The following HELZ variants were observed in gnomAD, a reference collection of about 807,000 sequenced individuals.
HELZ encodes the protein ATP-dependent RNA helicase with zinc finger domain.
Under a neutral mutation model 218.2 loss-of-function variants are expected in HELZ, and 23 were observed. The ratio of observed to expected loss-of-function variants is 0.11; its 90% CI spans 0.08 to 0.15. HELZ has a LOEUF of 0.15. HELZ is among the 10% of genes least tolerant of loss of function. HELZ has a pLI of 1.00. For synonymous variants in HELZ, 814 were observed against 829.4 expected (o/e 0.98, Z 0.32); for missense variants, 1,813 against 2,353.7 (o/e 0.77, Z 4.75).
At position 67,145,196 on chromosome 17, in the gene HELZ, C is replaced by A. The variant is rs906021541; in HGVS notation, c.2769+547G>T. Among the ~76,000 whole-genome samples the A allele has an allele frequency of 2.0e-5, 3 of 152,250 alleles. No individual in the cohort carries two copies. In the South Asian group the frequency reaches 6.2e-4, roughly 32 times the overall value. On this transcript the variant is annotated intron_variant, in intron 21 of 32. Coordinates refer to ENST00000358691, the MANE Select transcript of HELZ (RefSeq NM_014877.4). ...ACTCCAGGGTTTCTGGTTTGTTAGC[C>A]CCTGAAGACGTTGCCATTTTTTTGG...
chr17:67,142,888 C>G (rs980116407), intron 21 of HELZ, among the ~76,000 whole-genome samples: 10 of 152,242 alleles, frequency 6.6e-5, no homozygotes, highest in African/African-American at 2.4e-4. Flanking sequence ...TCCTGAGTAG[C>G]TGGTATTACA....
At chr17:67,137,727 G>C (rs1326942901) in intron 22 of HELZ, among the ~76,000 whole-genome samples, 1 of 152,136 alleles carries the variant, frequency 6.6e-6, no homozygotes, top group African/African-American at 2.4e-5. Flanking sequence ...AGGTATATTT[G>C]TTAATACTTA....
At chr17:67,097,633 C>G (rs115695073) in intron 31 of HELZ, among the ~76,000 whole-genome samples, 2 of 152,158 alleles carry the variant, frequency 1.3e-5, no homozygotes, top group Non-Finnish European at 2.9e-5. Context: ...CAGAGAAAAA[C>G]GTCAGGTTCA....
chr17:67,177,424 A>G (rs185035545), intron 13 of HELZ, among the ~76,000 whole-genome samples: 79 of 152,268 alleles, frequency 5.2e-4, no homozygotes, highest in Admixed American at 3.3e-3. Flanking sequence ...TTAATAAAAT[A>G]TTAAACAAAT....
In HELZ at chr17:67,076,859, T is replaced by G. The variant is rs995510389; in HGVS notation, c.*1393A>C. On this transcript the variant is annotated 3_prime_UTR_variant, in exon 33 of 33. Coordinates refer to ENST00000358691, the MANE Select transcript of HELZ (RefSeq NM_014877.4). ...AGGTTCCCCAGCCTCATCTTATTTT[T>G]TTTTAAAAGTTTATATTGTAGTTTC... The G allele has an allele frequency of 6.6e-6, 1 of 152,216 alleles. No individual in the cohort carries two copies. Among genetic ancestry groups the G allele is most frequent in the African/African-American group, 2.4e-5 (1 of 41,452 alleles). The allele number at this position is 152,216 out of a possible 1,614,324, so 9.4% of individuals were successfully genotyped here.
chr17:67,144,753 C>G (rs1567838467), intron 21 of HELZ, among the ~76,000 whole-genome samples: 1 of 152,096 alleles, frequency 6.6e-6, no homozygotes, highest in African/African-American at 2.4e-5. Flanking sequence ...CCCACCCATA[C>G]CATGGCTAAT....
chr17:67,107,809 T>A, intron 30 of HELZ, 124 bp from the exon 31 acceptor site: 1 of 803,066 alleles, frequency 1.2e-6, no homozygotes, highest in Non-Finnish European at 2.0e-6. Context: ...GAACTGGCAT[T>A]AATTCATCTC....
At chr17:67,128,919 A>C in intron 23 of HELZ, 64 bp from the exon 24 acceptor site, 2 of 1,226,644 alleles carry the variant, frequency 1.6e-6, no homozygotes, top group Non-Finnish European at 2.4e-6. Context: ...AATGAATATA[A>C]ATAACTAAAG....
intron 19 of HELZ, among the ~76,000 whole-genome samples, chr17:67,149,042 A>C (rs908138730): frequency 1.1e-4 from 17 of 152,166 alleles, no homozygotes; most frequent in African/African-American, 3.9e-4. Context: ...GTGGGAGTCA[A>C]ACAGTTATTT....
intron 24 of HELZ, among the ~76,000 whole-genome samples, chr17:67,124,785 A>G (rs1284763188): frequency 6.6e-6 from 1 of 152,198 alleles, no homozygotes; most frequent in Non-Finnish European, 1.5e-5. Flanking sequence ...GCAAATTCAC[A>G]TAATGGTATA....
At chr17:67,201,216 A>C (rs1190367273) in intron 6 of HELZ, 31 bp from the exon 7 acceptor site, 1 of 1,450,520 alleles carries the variant, frequency 6.9e-7, no homozygotes, top group African/African-American at 1.4e-5. Context: ...GAGAAGAACC[A>C]ATTAGTATAT....
chr17:67,229,960 A>G (rs2040992481), intron 3 of HELZ, among the ~76,000 whole-genome samples: 2 of 152,264 alleles, frequency 1.3e-5, no homozygotes, highest in African/African-American at 4.8e-5. Context: ...ATTTTCATAA[A>G]GAGGTAAATT....
intron 31 of HELZ, among the ~76,000 whole-genome samples, chr17:67,090,495 G>A (rs948069083): frequency 2.0e-5 from 3 of 152,086 alleles, no homozygotes; most frequent in African/African-American, 7.2e-5. Context: ...CATTTTTGGA[G>A]GAATTCCATG....
At chr17:67,225,006 G>A in intron 3 of HELZ, 1 of 688,372 alleles carries the variant, frequency 1.5e-6, no homozygotes. Context: ...TGAACTGGAA[G>A]GAGATAAGAG....
chr17:67,101,462 T>C (rs938754378), intron 31 of HELZ, among the ~76,000 whole-genome samples: 6 of 152,120 alleles, frequency 3.9e-5, no homozygotes, highest in African/African-American at 1.4e-4. Flanking sequence ...TAAAACAGTA[T>C]AATTCTAGCA....
chr17:67,224,283 C>T (rs746487332), intron 3 of HELZ: 61 of 158,186 alleles, frequency 3.9e-4, no homozygotes, highest in Non-Finnish European at 7.7e-4. Flanking sequence ...GTTGAATATA[C>T]CGCAGCCATT....
intron 20 of HELZ, among the ~76,000 whole-genome samples, 173 bp from the exon 21 acceptor site, chr17:67,146,063 T>C (rs1011637264): frequency 1.3e-5 from 2 of 152,026 alleles, no homozygotes; most frequent in African/African-American, 2.4e-5. Flanking sequence ...ATAACAAGAG[T>C]AGGGTCCTGG....
chr17:67,194,384 A>G (rs1388279597), intron 8 of HELZ, among the ~76,000 whole-genome samples: 1 of 152,148 alleles, frequency 6.6e-6, no homozygotes, highest in Non-Finnish European at 1.5e-5. Context: ...ATGTTTGTCT[A>G]TCAGGAATTC....
chr17:67,169,257 G>C (rs2039241235), intron 13 of HELZ, among the ~76,000 whole-genome samples: 1 of 152,154 alleles, frequency 6.6e-6, no homozygotes, highest in South Asian at 2.1e-4. Flanking sequence ...AGTCTGTTTT[G>C]TGTTGCCGTA....
Sources: gnomAD v4.1 joint callset for allele counts (sites outside exome capture counted in the v4.1 genomes callset) on GRCh38, gnomAD v4.1.1 for gene constraint, MANE v1.5 for transcripts, NCBI Gene and HGNC (gene_info 2026-07-23, HGNC 2026-07-21) for gene names.